The following RICTOR variants were observed in gnomAD, a reference collection of about 807,000 sequenced individuals.
RICTOR encodes rapamycin-insensitive companion of mTOR.
A neutral mutation model predicts 214.9 loss-of-function variants in RICTOR; 49 were observed. The ratio of observed to expected loss-of-function variants is 0.23; its 90% confidence interval spans 0.18 to 0.29. The LOEUF (loss-of-function observed/expected upper bound fraction) is 0.29, where lower values mean the gene tolerates loss of function less well. RICTOR is among the 10% of genes least tolerant of loss of function. The probability of loss-of-function intolerance (pLI) is 1.00; values close to 1 mark genes in which losing one functional copy is unlikely to be tolerated. For missense variants in RICTOR, 1,625 were observed against 2,047.0 expected (o/e 0.79, Z 3.98); for synonymous variants, 717 against 711.3 (o/e 1.01, Z -0.13).
At position 38,952,382 on chromosome 5, in the gene RICTOR, C is replaced by T. The variant is rs751872556; in HGVS notation, c.2941G>A (p.Gly981Ser). Residue 981 changes from glycine to serine, a missense_variant, in exon 30 of 38, where the codon GGC becomes AGC. By Grantham distance (56) the Gly-to-Ser change is moderately conservative (BLOSUM62 0). This residue lies in a region of RICTOR where 1,214 missense variants were observed against 1,470.5 expected (regional missense o/e 0.83). Coordinates refer to ENST00000357387, the MANE Select transcript of RICTOR (RefSeq NM_152756.5). ...TTGTGACATTTTAGAATATCACAGC[C>T]TTGTTTGGTTTTAGCTATGAGCCCA... The part of the protein sequence containing the change: ...VLGLIAKTKQ[G>S]CDILKCHNWD... 1 of 1,612,696 alleles carries T rather than the reference C, an allele frequency of 6.2e-7. No homozygotes were observed. The highest frequency in any genetic ancestry group is 8.5e-7 in the Non-Finnish European group (1 of 1,179,084).
At chr5:39,050,635 C>G (rs542126269) in intron 2 of RICTOR, among the ~76,000 whole-genome samples, 2 of 151,222 alleles carry the variant, frequency 1.3e-5, no homozygotes, top group African/African-American at 2.5e-5. Context: ...CACGCCTGAC[C>G]TACAAAGAAC....
At chr5:38,944,603 C>A in intron 35 of RICTOR, 34 bp from the exon 36 acceptor site, 1 of 1,525,218 alleles carries the variant, frequency 6.6e-7, no homozygotes, top group Non-Finnish European at 8.9e-7. Context: ...TAAATATTAT[C>A]TATGTCACAA....
rs534841610 is a variant in RICTOR, at chr5:39,006,402, A to G, written c.196-2780T>C. Among the ~76,000 whole-genome samples the G allele has an allele frequency of 3.3e-5, 5 of 152,224 alleles. No homozygotes were observed. In the South Asian group the frequency reaches 1.0e-3, roughly 32 times the overall value. ...CCTAAAAGTTACATATAATGTCCTT[A>G]ATTGATTTATTGCGGCTAACTGAAA... is the stretch of plus-strand genomic sequence containing the variant. On this transcript the variant is annotated intron_variant, in intron 3 of 37. Coordinates refer to ENST00000357387, the MANE Select transcript of RICTOR (RefSeq NM_152756.5).
At chr5:38,977,760 T>A (rs1048194207) in intron 9 of RICTOR, among the ~76,000 whole-genome samples, 6 of 152,154 alleles carry the variant, frequency 3.9e-5, no homozygotes, top group Admixed American at 3.9e-4. Flanking sequence ...ATTTTTTTTG[T>A]ATTTTTAGTA....
intron 29 of RICTOR, among the ~76,000 whole-genome samples, 183 bp from the exon 30 acceptor site, chr5:38,952,608 A>G (rs1748891496): frequency 6.6e-6 from 1 of 151,930 alleles, no homozygotes; most frequent in Non-Finnish European, 1.5e-5. Context: ...AATAAAAAAC[A>G]AGCAAACCTT....
At chr5:38,963,124 C>A in intron 16 of RICTOR, 83 bp from the exon 17 acceptor site, 1 of 936,630 alleles carries the variant, frequency 1.1e-6, no homozygotes, top group Non-Finnish European at 1.6e-6. Flanking sequence ...TTAAAGCTTA[C>A]GTAAGATCAA....
intron 3 of RICTOR, among the ~76,000 whole-genome samples, chr5:39,011,078 C>T (rs1754476848): frequency 6.6e-6 from 1 of 152,184 alleles, no homozygotes; most frequent in Admixed American, 6.5e-5. Flanking sequence ...CCTCCCATCA[C>T]AGGCCCAGAG....
intron 2 of RICTOR, among the ~76,000 whole-genome samples, chr5:39,065,466 C>G (rs1050886575): frequency 6.6e-6 from 1 of 152,158 alleles, no homozygotes; most frequent in African/African-American, 2.4e-5. Context: ...ACGGCCCCTC[C>G]CAAATCTCAT....
At chr5:39,058,287 A>G (rs1025598194) in intron 2 of RICTOR, among the ~76,000 whole-genome samples, 9 of 152,138 alleles carry the variant, frequency 5.9e-5, no homozygotes, top group African/African-American at 2.2e-4. Context: ...TCATCTATAT[A>G]GCATACTCTA....
chr5:39,016,463 A>AGTGG (rs1754957112), intron 3 of RICTOR, among the ~76,000 whole-genome samples: 2 of 151,922 alleles, frequency 1.3e-5, no homozygotes, highest in Non-Finnish European at 1.5e-5. Flanking sequence ...GGCAGAAGAG[A>AGTGG]GTGGGGGAGC....
At chr5:38,991,571 C>G (rs1370663187) in intron 6 of RICTOR, among the ~76,000 whole-genome samples, 1 of 152,066 alleles carries the variant, frequency 6.6e-6, no homozygotes, top group East Asian at 1.9e-4. Flanking sequence ...CACTCTCACT[C>G]TGACTACTGC....
At chr5:39,032,336 G>A (rs769665183) in intron 2 of RICTOR, among the ~76,000 whole-genome samples, 1 of 151,902 alleles carries the variant, frequency 6.6e-6, no homozygotes, top group Non-Finnish European at 1.5e-5. Context: ...TTTGATCATT[G>A]GTATATTTTA....
rs746038883 is a variant in RICTOR at position 38,975,550 on chromosome 5, G to T, written c.876C>A (p.Phe292Leu). 1 of 1,613,084 alleles carries T rather than the reference G, an allele frequency of 6.2e-7. No individual in the cohort carries two copies. Among genetic ancestry groups the T allele is most frequent in the Non-Finnish European group, 8.5e-7 (1 of 1,179,176 alleles). ...AGAGTAACCTACCTGCCCATGATCG[G>T]AATGTTGCTATGATTCCCATTTTAC... ...LASKMGIIAT[F>L]RSWAGIINLC... is the part of the protein sequence containing the mutation. The change falls in exon 10 of 38, where the codon TTC (phenylalanine) becomes TTA (leucine). Residue 292 changes from phenylalanine (F) to leucine (L), a missense_variant. Coordinates refer to ENST00000357387, the MANE Select transcript of RICTOR (RefSeq NM_152756.5).
chr5:39,072,688 T>C (rs1282502765), intron 2 of RICTOR, among the ~76,000 whole-genome samples: 1 of 152,154 alleles, frequency 6.6e-6, no homozygotes, highest in Non-Finnish European at 1.5e-5. Flanking sequence ...TCCAAACAGT[T>C]GCACAGAAGT....
rs1757467685 is a variant in RICTOR at position 39,046,028 on chromosome 5, A to AAATAAATAAAT, written c.98-24893_98-24892insATTTATTTATT. Reference sequence around the variant, plus strand: ...GTCTCTTTCACTAGCTCTGTCTTTAAAAATAAATAAATAAATAAATAAATA... The same window carrying AAATAAATAAAT: ...GTCTCTTTCACTAGCTCTGTCTTTAAAATAAATAAATAAATAAATAAATAAATAAATAAATA... On this transcript the variant is annotated intron_variant, in intron 2 of 37. Coordinates refer to ENST00000357387, the MANE Select transcript of RICTOR (RefSeq NM_152756.5). Among the ~76,000 whole-genome samples the AAATAAATAAAT allele has an allele frequency of 3.2e-3, 444 of 140,266 alleles. 4 individuals are homozygous for AAATAAATAAAT. The highest frequency in any genetic ancestry group is 8.4e-3 in the South Asian group (37 of 4,410). 92.0% of individuals were successfully genotyped at this position (140,266 alleles called of 152,430 possible).
intron 31 of RICTOR, 35 bp downstream of exon 31, chr5:38,949,677 C>T (rs1748540917): frequency 6.4e-7 from 1 of 1,552,704 alleles, no homozygotes; most frequent in East Asian, 2.2e-5. Flanking sequence ...AAAATGCAAC[C>T]ATTATTGGTC....
rs550375296 is a variant in RICTOR at position 38,977,450 on chromosome 5, C to T, written c.821+1133G>A. Among the ~76,000 whole-genome samples, 5 of 152,098 alleles carry T rather than the reference C, an allele frequency of 3.3e-5. No homozygotes were observed. The South Asian group carries it at 1.0e-3, about 32-fold the overall frequency. On this transcript the variant is annotated intron_variant, in intron 9 of 37. Coordinates refer to ENST00000357387, the MANE Select transcript of RICTOR (RefSeq NM_152756.5). ...AGCCAAGAAAGGGCCTTACAAATTC[C>T]GATTCATAACTGAAGTTTGCAGGAA...
chr5:39,068,980 CA>C (rs1213072185), intron 2 of RICTOR, among the ~76,000 whole-genome samples: 1 of 152,168 alleles, frequency 6.6e-6, no homozygotes, highest in Non-Finnish European at 1.5e-5. Flanking sequence ...TTTAAAATTT[CA>C]AAGCCTATAT....
At chr5:38,954,485 C>G (rs1358353912) in intron 27 of RICTOR, among the ~76,000 whole-genome samples, 1 of 151,564 alleles carries the variant, frequency 6.6e-6, no homozygotes, top group Non-Finnish European at 1.5e-5. Flanking sequence ...CCACTAAACT[C>G]TAAAAAAAGA....
Sources: allele counts gnomAD v4.1 joint callset (sites outside exome capture counted in the v4.1 genomes callset), GRCh38; gene constraint gnomAD v4.1.1; regional missense constraint gnomAD v4.1.1; transcripts MANE v1.5; gene names NCBI Gene and HGNC (gene_info 2026-07-23, HGNC 2026-07-21).